Variants in GRM3 observed in about 807,000 individuals in gnomAD.
GRM3 encodes metabotropic glutamate receptor 3.
A neutral mutation model predicts 70.5 loss-of-function variants in GRM3; 26 were observed. The ratio of observed to expected loss-of-function variants is 0.37; its 90% CI spans 0.27 to 0.51. GRM3 has a LOEUF of 0.51. Ranked by LOEUF, GRM3 falls within the 20% of genes least tolerant of loss-of-function variation. The pLI, the probability that GRM3 is intolerant of heterozygous loss-of-function variation, is 0.93. For synonymous variants in GRM3, 443 were observed against 434.9 expected (o/e 1.02, Z -0.23); for missense variants, 859 against 1,123.8 (o/e 0.76, Z 3.37).
At chr7:86,723,446 C>T (rs1235177063) in intron 1 of GRM3, among the ~76,000 whole-genome samples, 1 of 152,066 alleles carries the variant, frequency 6.6e-6, no homozygotes, top group Non-Finnish European at 1.5e-5. Flanking sequence ...GCCTGATACT[C>T]ATTTCTTTCT....
At chr7:86,681,991 T>A (rs1156876262) in intron 1 of GRM3, among the ~76,000 whole-genome samples, 2 of 152,164 alleles carry the variant, frequency 1.3e-5, no homozygotes, top group Non-Finnish European at 2.9e-5. Flanking sequence ...CTAAAGTATA[T>A]ACCCCACACT....
At chr7:86,655,728 G>C (rs544440643) in intron 1 of GRM3, among the ~76,000 whole-genome samples, 105 of 152,046 alleles carry the variant, frequency 6.9e-4, no homozygotes, top group Non-Finnish European at 1.1e-3. Flanking sequence ...CCAAAGTTAG[G>C]GGTGGAAGGT....
intron 1 of GRM3, among the ~76,000 whole-genome samples, chr7:86,740,715 C>G (rs1316030804): frequency 1.3e-5 from 2 of 152,132 alleles, no homozygotes; most frequent in African/African-American, 4.8e-5. Flanking sequence ...ATTCTCGAGT[C>G]ATTTCAAAAA....
chr7:86,660,500 G>A (rs1187865315), intron 1 of GRM3, among the ~76,000 whole-genome samples: 3 of 151,948 alleles, frequency 2.0e-5, no homozygotes, highest in African/African-American at 7.2e-5. Flanking sequence ...CAGAATGCTT[G>A]ATAATCTTTA....
chr7:86,708,672 T>A (rs2116153031), intron 1 of GRM3, among the ~76,000 whole-genome samples: 1 of 152,144 alleles, frequency 6.6e-6, no homozygotes, highest in South Asian at 2.1e-4. Flanking sequence ...GCTTACTGAG[T>A]CCACTATTGG....
chr7:86,742,229 T>A (rs1399790906), intron 1 of GRM3, among the ~76,000 whole-genome samples: 1 of 152,162 alleles, frequency 6.6e-6, no homozygotes, highest in Non-Finnish European at 1.5e-5. Flanking sequence ...AAGGTGAACA[T>A]CTTTAGAAAG....
At chr7:86,809,742 TG>T (rs1797871588) in intron 3 of GRM3, among the ~76,000 whole-genome samples, 1 of 152,020 alleles carries the variant, frequency 6.6e-6, no homozygotes, top group Non-Finnish European at 1.5e-5. Context: ...GCTAGTCTCC[TG>T]GGAAAGGCAA....
At chr7:86,688,810 CATATG>C (rs1794628251) in intron 1 of GRM3, among the ~76,000 whole-genome samples, 1 of 145,852 alleles carries the variant, frequency 6.9e-6, no homozygotes, top group Non-Finnish European at 1.5e-5. Context: ...ATCTCTCACA[CATATG>C]ATATATATAT....
chr7:86,659,000 G>T (rs377333320), intron 1 of GRM3, among the ~76,000 whole-genome samples: 18 of 152,104 alleles, frequency 1.2e-4, no homozygotes, highest in Admixed American at 7.2e-4. Flanking sequence ...AAGCCATGTG[G>T]TATGAGTAAC....
intron 3 of GRM3, among the ~76,000 whole-genome samples, chr7:86,803,888 T>A (rs1797734684): frequency 6.6e-6 from 1 of 152,208 alleles, no homozygotes; most frequent in African/African-American, 2.4e-5. Flanking sequence ...GTTGTGAAGA[T>A]GTATGTCAGT....
At chr7:86,713,280 T>C (rs768460944) in intron 1 of GRM3, among the ~76,000 whole-genome samples, 10 of 152,110 alleles carry the variant, frequency 6.6e-5, no homozygotes, top group Non-Finnish European at 1.3e-4. Flanking sequence ...TGTCTTCTTT[T>C]GAGAAATATA....
At chr7:86,653,689 TATATTA>T (rs148184804) in intron 1 of GRM3, among the ~76,000 whole-genome samples, 14,666 of 151,818 alleles carry the variant, frequency 0.097, 783 homozygotes, top group South Asian at 0.17. Context: ...ATTTTATCAT[TATATTA>T]ATATTAATAT....
intron 3 of GRM3, among the ~76,000 whole-genome samples, chr7:86,794,950 A>G (rs1489144663): frequency 6.6e-6 from 1 of 151,708 alleles, no homozygotes; most frequent in African/African-American, 2.4e-5. Context: ...TAACATCTCA[A>G]CCACCAACTA....
chr7:86,669,371 A>G (rs952134156), intron 1 of GRM3, among the ~76,000 whole-genome samples: 20 of 152,186 alleles, frequency 1.3e-4, no homozygotes, highest in African/African-American at 4.8e-4. Flanking sequence ...CTGAAACAAC[A>G]ATAGTTAGCT....
At chr7:86,665,478 G>A (rs1197462398) in intron 1 of GRM3, among the ~76,000 whole-genome samples, 4 of 151,922 alleles carry the variant, frequency 2.6e-5, no homozygotes, top group Non-Finnish European at 2.9e-5. Context: ...ACATCCACTG[G>A]CATAAATTTC....
rs111252981 is a variant in GRM3, at chr7:86,822,152, T to G, written c.1325-16687T>G. 8.5e-5 allele frequency among the ~76,000 whole-genome samples: 13 copies of G among 152,188 alleles called. 2 individuals carry two copies. Among genetic ancestry groups the G allele is most frequent in the African/African-American group, 2.9e-4 (12 of 41,534 alleles). ...TCTATTTTTTTTTCTTTCAATATTT[T>G]ACTAAAGCACACTAACGCAGATATT... On this transcript the variant is annotated intron_variant, in intron 3 of 5. Transcript: ENST00000361669.
At chr7:86,704,989 T>G (rs920439940) in intron 1 of GRM3, among the ~76,000 whole-genome samples, 3 of 151,898 alleles carry the variant, frequency 2.0e-5, no homozygotes, top group African/African-American at 7.2e-5. Flanking sequence ...AATGCTGTAT[T>G]GTTAGGCAAT....
chr7:86,800,784 TTTTATGAAG>T (rs1425913274), intron 3 of GRM3, among the ~76,000 whole-genome samples: 4 of 152,208 alleles, frequency 2.6e-5, no homozygotes, highest in Non-Finnish European at 5.9e-5. Context: ...CTCTAACTCA[TTTTATGAAG>T]CCAGCACATC....
intron 1 of GRM3, among the ~76,000 whole-genome samples, chr7:86,660,069 C>T (rs1292490038): frequency 2.6e-5 from 4 of 152,054 alleles, no homozygotes; most frequent in Admixed American, 6.6e-5. Flanking sequence ...AGTATATTTG[C>T]GTGTAGCTAA....
Sources: allele counts gnomAD v4.1 joint callset (sites outside exome capture counted in the v4.1 genomes callset), GRCh38; gene constraint gnomAD v4.1.1; transcripts MANE v1.5; gene names NCBI Gene and HGNC (gene_info 2026-07-23, HGNC 2026-07-21).